TMCC2: variants seen among roughly 807,000 people sequenced by gnomAD.
The protein encoded by TMCC2 is transmembrane and coiled-coil domain family 2.
In TMCC2, 16 loss-of-function variants were observed where a neutral mutation model predicts 49.4. The observed-to-expected ratio is 0.32, with a 90% confidence interval of 0.22 to 0.49. TMCC2 has a LOEUF of 0.49. TMCC2 is among the 20% of genes least tolerant of loss of function. The pLI is 0.99. For missense variants in TMCC2, 762 were observed against 989.8 expected (o/e 0.77, Z 3.09); for synonymous variants, 397 against 434.1 (o/e 0.91, Z 1.06).
intron 4 of TMCC2, 144 bp downstream of exon 4, chr1:205,271,399 C>A: frequency 2.2e-6 from 3 of 1,366,304 alleles, no homozygotes; most frequent in Non-Finnish European, 3.1e-6. Flanking sequence ...ATGAAGAGGG[C>A]AGCGTAGCGG....
At chr1:205,240,269 G>A (rs1364683292) in intron 1 of TMCC2, among the ~76,000 whole-genome samples, 4 of 152,242 alleles carry the variant, frequency 2.6e-5, no homozygotes, top group Non-Finnish European at 4.4e-5. Flanking sequence ...ACAGTTGCTC[G>A]CCCTGGCAGG....
chr1:205,253,076 C>T (rs992128851), intron 2 of TMCC2, among the ~76,000 whole-genome samples: 3 of 151,944 alleles, frequency 2.0e-5, no homozygotes, highest in Non-Finnish European at 4.4e-5. Context: ...TTGAGGCTTC[C>T]GTGAACCATG....
chr1:205,232,330 T>G (rs1659831785), intron 1 of TMCC2, among the ~76,000 whole-genome samples: 1 of 152,204 alleles, frequency 6.6e-6, no homozygotes, highest in South Asian at 2.1e-4. Context: ...GGGGAAAATC[T>G]CAGTAGACAT....
At chr1:205,265,476 CCCT>C (rs1030231377) in intron 2 of TMCC2, among the ~76,000 whole-genome samples, 1 of 152,206 alleles carries the variant, frequency 6.6e-6, no homozygotes, top group African/African-American at 2.4e-5. Context: ...CCCACTCTCC[CCCT>C]AAGTAGTTGG....
chr1:205,229,550 G>GGC, intron 1 of TMCC2: 1 of 685,708 alleles, frequency 1.5e-6, no homozygotes, highest in African/African-American at 2.4e-5. Context: ...AGGGGCGGGG[G>GGC]GGGGGGGGTG....
chr1:205,266,810 A>G (rs1661359339), intron 2 of TMCC2, among the ~76,000 whole-genome samples: 1 of 152,186 alleles, frequency 6.6e-6, no homozygotes, highest in Non-Finnish European at 1.5e-5. Context: ...AGCTTGCCAG[A>G]CGTCATCTTG....
intron 2 of TMCC2, chr1:205,267,765 C>T (rs1661403517): frequency 2.4e-6 from 1 of 419,956 alleles, no homozygotes; most frequent in Non-Finnish European, 3.2e-6. Context: ...GACTTTGGTG[C>T]CACCCTGATG....
intron 1 of TMCC2, chr1:205,233,809 A>AT: frequency 6.7e-6 from 1 of 150,100 alleles, no homozygotes; most frequent in East Asian, 1.9e-4. Context: ...TTATATATAT[A>AT]TTTTTTCAAG....
chr1:205,267,933 C>T (rs192542297), intron 2 of TMCC2: 5 of 914,422 alleles, frequency 5.5e-6, no homozygotes, highest in East Asian at 1.2e-4. Flanking sequence ...CTTTAGTCCT[C>T]GGGGACCTGG....
At position 205,241,599 on chromosome 1, in the gene TMCC2, C is replaced by T. The variant is rs761764527; in HGVS notation, c.302C>T (p.Thr101Met). 28 of 1,613,872 alleles carry T rather than the reference C, an allele frequency of 1.7e-5. No homozygotes were observed. Among genetic ancestry groups the T allele is most frequent in the East Asian group, 2.2e-5 (1 of 44,892 alleles). The change falls in exon 2 of 5, where the codon ACG becomes ATG. Residue 101 changes from threonine (T) to methionine (M), a missense_variant. Thr to Met is a moderately conservative substitution (Grantham distance 81). Around this residue, in one of 2 missense-constraint regions of TMCC2, gnomAD observed 322 missense variants for 353.1 expected, o/e 0.91. Coordinates refer to ENST00000358024, the MANE Select transcript of TMCC2 (RefSeq NM_014858.4). This position sits in a 1 kb window ranked among gnomAD's most constrained non-coding sequence, Gnocchi z 7.3. The stretch of plus-strand genomic sequence containing the variant: ...CGGTCTCGGGAAAGGGAGCACCAGA[C>T]GTCTCAGGATTCCCAGCAGCATCAG... ...RRRSREREHQ[T>M]SQDSQQHQQQ...
At position 205,241,207 on chromosome 1, in the gene TMCC2, G is replaced by A. The variant is rs554411168; in HGVS notation, c.208-298G>A. On this transcript the variant is annotated intron_variant, in intron 1 of 4. Transcript: ENST00000358024. The surrounding 1 kb of genome is among the most constrained non-coding windows in gnomAD (Gnocchi z 7.3). ...TACCTGTGTATGCCATTAAGCCCCA[G>A]ACTGAAGCCCTGAGAGCATCATTCC... 6.6e-6 allele frequency among the ~76,000 whole-genome samples: 1 copy of A among 152,300 alleles called. No individual in the cohort carries two copies. Among genetic ancestry groups the A allele is most frequent in the South Asian group, 2.1e-4 (1 of 4,826 alleles).
rs1034137308 is a variant in TMCC2, at chr1:205,269,754, G to T, written c.1552G>T (p.Ala518Ser). 1.2e-6 allele frequency: 2 copies of T among 1,614,112 alleles called. No individual in the cohort carries two copies. The highest frequency in any genetic ancestry group is 1.7e-5 in the Admixed American group (1 of 60,012). ...ALYGAPGNLD[A>S]LLEELREIKE... ...GTATGGTGCTCCTGGAAACCTGGAT[G>T]CTCTGCTGGAAGAGCTACGGGAGAT... Residue 518 changes from alanine (A) to serine (S), a missense_variant, in exon 3 of 5, where the codon GCT (alanine) becomes TCT (serine). Coordinates refer to ENST00000358024, the MANE Select transcript of TMCC2 (RefSeq NM_014858.4).
chr1:205,268,393 C>A (rs1163824641), intron 2 of TMCC2, among the ~76,000 whole-genome samples: 2 of 152,170 alleles, frequency 1.3e-5, no homozygotes, highest in African/African-American at 4.8e-5. Context: ...GCAGGCAGAT[C>A]ACTTGAGGTC....
Position 205,228,514 on chromosome 1 carries a change from C to T in TMCC2, c.-51C>T. ...AATATAAGAGGGGGTGCGGTCTTCC[C>T]CAAGACGGCGCGCTGGAAGGACAGA... On this transcript the variant is annotated 5_prime_UTR_variant, in exon 1 of 5. Transcript: ENST00000358024. 1 of 1,543,008 alleles carries T rather than the reference C, an allele frequency of 6.5e-7. No individual in the cohort carries two copies. The highest frequency in any genetic ancestry group is 2.3e-5 in the East Asian group (1 of 44,000).
At chr1:205,233,617 A>G (rs781196121) in intron 1 of TMCC2, among the ~76,000 whole-genome samples, 2 of 152,162 alleles carry the variant, frequency 1.3e-5, no homozygotes, top group Non-Finnish European at 2.9e-5. Context: ...GTCAGCAGAT[A>G]CCACCTTCAG....
Position 205,268,506 on chromosome 1 carries a change from C to T in TMCC2, c.748-444C>T, listed in dbSNP as rs192850691. ...GTGGGTGCCTGTAATACTGGCTTCT[C>T]GGGAGGCAGAGGCAGGAGAATCCCT... On this transcript the variant is annotated intron_variant, in intron 2 of 4. Transcript: ENST00000358024. 5.0e-3 allele frequency among the ~76,000 whole-genome samples: 753 copies of T among 152,106 alleles called. 5 individuals are homozygous for T. Among genetic ancestry groups the T allele is most frequent in the South Asian group, 0.013 (62 of 4,804 alleles).
intron 4 of TMCC2, among the ~76,000 whole-genome samples, chr1:205,271,599 C>T (rs537933046): frequency 1.3e-5 from 2 of 152,244 alleles, no homozygotes; most frequent in African/African-American, 4.8e-5. Flanking sequence ...TCTTTTCCTT[C>T]CCTAGTAATC....
At chr1:205,229,573 G>GA in intron 1 of TMCC2, 1 of 925,686 alleles carries the variant, frequency 1.1e-6, no homozygotes, top group Non-Finnish European at 1.3e-6. Context: ...GGCGGGGGCG[G>GA]GGGGGGAAGG....
At chr1:205,229,545 C>CGGGGGGGGGGGGGGGGGGGGGGGG (rs1241476015) in intron 1 of TMCC2, 2 of 283,978 alleles carry the variant, frequency 7.0e-6, no homozygotes, top group Admixed American at 6.0e-4. Context: ...TGTGAAGGGG[C>CGGGGGGGGGGGGGGGGGGGGGGGG]GGGGGGGGGG....
Sources: allele counts gnomAD v4.1 joint callset (sites outside exome capture counted in the v4.1 genomes callset), GRCh38; gene constraint gnomAD v4.1.1; regional missense constraint gnomAD v4.1.1; non-coding constraint Gnocchi (gnomAD v3.1); transcripts MANE v1.5; gene names NCBI Gene and HGNC (gene_info 2026-07-23, HGNC 2026-07-21).